The following RLF variants were observed in gnomAD, a reference collection of about 807,000 sequenced individuals.
RLF encodes the protein RLF zinc finger.
A neutral mutation model predicts 162.9 loss-of-function variants in RLF; 7 were observed. That is an observed-to-expected ratio of 0.04 (90% CI 0.02 to 0.08). The LOEUF is 0.08. Ranked by LOEUF, RLF falls within the 10% of genes least tolerant of loss-of-function variation. The probability of loss-of-function intolerance (pLI) is 1.00; values close to 1 mark genes in which losing one functional copy is unlikely to be tolerated. For synonymous variants in RLF, 782 were observed against 791.5 expected (o/e 0.99, Z 0.20); for missense variants, 1,664 against 2,244.7 (o/e 0.74, Z 5.23).
At chr1:40,207,173 A>C (rs371920206) in intron 5 of RLF, among the ~76,000 whole-genome samples, 48 of 152,340 alleles carry the variant, frequency 3.2e-4, no homozygotes, top group Non-Finnish European at 4.6e-4. Context: ...CCTGTATTCT[A>C]GAAGAATGCT....
In RLF at chr1:40,165,253, C is replaced by T. The variant is rs72670610; in HGVS notation, c.237+3617C>T. Among the ~76,000 whole-genome samples, 17 of 152,292 alleles carry T rather than the reference C, an allele frequency of 1.1e-4. 1 individual carries two copies. The highest frequency in any genetic ancestry group is 5.9e-4 in the Admixed American group (9 of 15,290). ...ATCACCTGAATCCAACTTGTTTACT[C>T]CTATTCAGGAGTTCTTTACTTGGAG... is the stretch of plus-strand genomic sequence containing the variant. On this transcript the variant is annotated intron_variant, in intron 1 of 7. Coordinates refer to ENST00000372771, the MANE Select transcript of RLF (RefSeq NM_012421.4).
In RLF at chr1:40,190,761, T is replaced by C; in HGVS notation, c.393-11T>C. The C allele has an allele frequency of 3.8e-6, 6 of 1,585,862 alleles. No homozygotes were observed. Among genetic ancestry groups the C allele is most frequent in the Non-Finnish European group, 5.2e-6 (6 of 1,155,482 alleles). On this transcript the variant is annotated splice_polypyrimidine_tract_variant and intron_variant, in intron 2 of 7. Coordinates refer to ENST00000372771, the MANE Select transcript of RLF (RefSeq NM_012421.4). ...TAACCACCTTTATATACTTACTCAT[T>C]TTTATTGTAGGAGTTGTTTCGAATT...
rs1642731991 is a variant in RLF at position 40,202,565 on chromosome 1, A to G, written c.761A>G (p.Tyr254Cys). The G allele has an allele frequency of 1.3e-6, 2 of 1,563,728 alleles. No individual in the cohort carries two copies. Among genetic ancestry groups the G allele is most frequent in the African/African-American group, 1.4e-5 (1 of 71,538 alleles). ...AATGTGTCATCTTTTCAGCAAGCCTATATCACATGTTTATGTTCTATGCTC... is the reference window on the plus strand; with the variant it reads ...AATGTGTCATCTTTTCAGCAAGCCTGTATCACATGTTTATGTTCTATGCTC... The part of the protein sequence containing the change: ...ISNVSSFQQA[Y>C]ITCLCSMLPN... The change falls in exon 5 of 8, where the codon TAT becomes TGT. Residue 254 changes from tyrosine (Y) to cysteine (C), a missense_variant. Tyr to Cys is a radical substitution (Grantham distance 194, BLOSUM62 -2). Around this residue, in one of 15 missense-constraint regions of RLF, gnomAD observed 287 missense variants for 404.9 expected, o/e 0.71. Coordinates refer to ENST00000372771, the MANE Select transcript of RLF (RefSeq NM_012421.4).
chr1:40,190,890 C>T, intron 3 of RLF, 37 bp downstream of exon 3: 2 of 1,306,850 alleles, frequency 1.5e-6, no homozygotes, highest in Middle Eastern at 1.9e-4. Context: ...TTTCTGTATC[C>T]AAGACACCTA....
chr1:40,188,765 A>G (rs1477318249), intron 1 of RLF, among the ~76,000 whole-genome samples: 4 of 152,206 alleles, frequency 2.6e-5, no homozygotes, highest in Non-Finnish European at 4.4e-5. Context: ...ATTGAATTAT[A>G]GAGATGGCAA....
At chr1:40,178,608 C>G (rs1182983848) in intron 1 of RLF, among the ~76,000 whole-genome samples, 1 of 133,154 alleles carries the variant, frequency 7.5e-6, no homozygotes, top group African/African-American at 3.0e-5. Flanking sequence ...GAACCCAAAG[C>G]TGTCTTTGGT....
chr1:40,177,691 C>T (rs1463287180), intron 1 of RLF, among the ~76,000 whole-genome samples: 2 of 152,006 alleles, frequency 1.3e-5, no homozygotes, highest in Non-Finnish European at 2.9e-5. Context: ...CAGAGATGTT[C>T]TGCTATTTTC....
chr1:40,216,163 G>A (rs1015228374), intron 5 of RLF, among the ~76,000 whole-genome samples: 1 of 152,142 alleles, frequency 6.6e-6, no homozygotes, highest in African/African-American at 2.4e-5. Flanking sequence ...ATTACTGGAT[G>A]AAATGAACAA....
intron 3 of RLF, among the ~76,000 whole-genome samples, chr1:40,195,320 A>G (rs994361600): frequency 6.6e-6 from 1 of 151,846 alleles, no homozygotes; most frequent in African/African-American, 2.4e-5. Flanking sequence ...GCGGTGACAG[A>G]CGCCTGTAAT....
chr1:40,177,070 C>T (rs548910214), intron 1 of RLF, among the ~76,000 whole-genome samples: 1 of 152,008 alleles, frequency 6.6e-6, no homozygotes, highest in Non-Finnish European at 1.5e-5. Flanking sequence ...TCACTGCAAC[C>T]TCCGCCTCAC....
At chr1:40,222,765 G>A (rs1379049934) in intron 6 of RLF, 55 bp downstream of exon 6, 11 of 1,469,784 alleles carry the variant, frequency 7.5e-6, no homozygotes, top group Admixed American at 5.5e-5. Context: ...ATAGCATTTA[G>A]GGTTTATGTA....
chr1:40,204,761 G>A (rs1452128094), intron 5 of RLF, among the ~76,000 whole-genome samples: 1 of 151,886 alleles, frequency 6.6e-6, no homozygotes, highest in Non-Finnish European at 1.5e-5. Flanking sequence ...CCCACTCTTA[G>A]ATAGTTGCAT....
chr1:40,196,319 G>A (rs1642635807), intron 4 of RLF, among the ~76,000 whole-genome samples: 1 of 152,070 alleles, frequency 6.6e-6, no homozygotes, highest in South Asian at 2.1e-4. Flanking sequence ...TGATCCACCT[G>A]CCTTGGCCTC....
rs1219122233 is a variant in RLF at position 40,239,665 on chromosome 1, A to G, written c.4963A>G (p.Ile1655Val). 1.9e-6 allele frequency: 3 copies of G among 1,614,234 alleles called. No homozygotes were observed. Among genetic ancestry groups the G allele is most frequent in the Admixed American group, 1.7e-5 (1 of 60,026 alleles). ...SERDGGQKGC[I>V]ESSSVFDADT... ...AAGGGATGGAGGTCAGAAAGGGTGC[A>G]TAGAAAGCAGCTCAGTATTTGATGC... is the stretch of plus-strand genomic sequence containing the variant. The change falls in exon 8 of 8, where the codon ATA (isoleucine) becomes GTA (valine). Residue 1655 changes from isoleucine (I) to valine (V), a missense_variant. Coordinates refer to ENST00000372771, the MANE Select transcript of RLF (RefSeq NM_012421.4).
intron 6 of RLF, among the ~76,000 whole-genome samples, chr1:40,230,678 C>A (rs1045692283): frequency 6.6e-6 from 1 of 152,096 alleles, no homozygotes; most frequent in Non-Finnish European, 1.5e-5. Context: ...AGTGATCTGC[C>A]CCCCTTCACC....
chr1:40,185,843 C>CAAAAAAAAAAAAAAA (rs33982008), intron 1 of RLF, among the ~76,000 whole-genome samples: 1 of 67,526 alleles, frequency 1.5e-5, no homozygotes, highest in Non-Finnish European at 2.6e-5. Flanking sequence ...AAAAAAAAAG[C>CAAAAAAAAAAAAAAA]AAAAAAAAAA....
At chr1:40,230,020 A>T (rs1293447964) in intron 6 of RLF, among the ~76,000 whole-genome samples, 1 of 151,838 alleles carries the variant, frequency 6.6e-6, no homozygotes, top group Non-Finnish European at 1.5e-5. Context: ...AGGCTGAGGC[A>T]GGAGCATTGC....
At chr1:40,184,602 C>T (rs1456561756) in intron 1 of RLF, among the ~76,000 whole-genome samples, 1 of 152,128 alleles carries the variant, frequency 6.6e-6, no homozygotes, top group African/African-American at 2.4e-5. Context: ...ATGTAATAGG[C>T]AGTTGAGGTA....
intron 5 of RLF, among the ~76,000 whole-genome samples, chr1:40,213,949 G>A (rs1642893377): frequency 6.6e-6 from 1 of 152,188 alleles, no homozygotes; most frequent in Admixed American, 6.5e-5. Context: ...CCAGTTGGCT[G>A]CCTCTTATGC....
Sources: gnomAD v4.1 joint callset for allele counts (sites outside exome capture counted in the v4.1 genomes callset) on GRCh38, gnomAD v4.1.1 for gene constraint, gnomAD v4.1.1 regional missense constraint, MANE v1.5 for transcripts, NCBI Gene and HGNC (gene_info 2026-07-23, HGNC 2026-07-21) for gene names.